Variants in SPATA16 observed in about 807,000 individuals in gnomAD.
SPATA16 encodes the protein spermatogenesis-associated protein 16.
SPATA16 carries 36 observed loss-of-function variants against 63.3 expected under a neutral mutation model. The ratio of observed to expected loss-of-function variants is 0.57; its 90% CI spans 0.44 to 0.75. The LOEUF is 0.75. SPATA16 is among the 30% of genes least tolerant of loss of function. The pLI is 0.00. For synonymous variants in SPATA16, 203 were observed against 216.7 expected (o/e 0.94, Z 0.56); for missense variants, 646 against 679.3 (o/e 0.95, Z 0.54).
At chr3:172,968,168 C>T (rs531716544) in intron 5 of SPATA16, among the ~76,000 whole-genome samples, 7 of 152,308 alleles carry the variant, frequency 4.6e-5, no homozygotes, top group Admixed American at 1.3e-4. Flanking sequence ...TAATTATCAA[C>T]GTGCAGAGAA....
At chr3:172,926,698 G>A (rs1732745688) in intron 6 of SPATA16, among the ~76,000 whole-genome samples, 1 of 152,168 alleles carries the variant, frequency 6.6e-6, no homozygotes, top group Admixed American at 6.5e-5. Flanking sequence ...GCTTGAAGAG[G>A]TTACAAACAT....
At chr3:172,916,700 A>G (rs919046902) in intron 8 of SPATA16, among the ~76,000 whole-genome samples, 1 of 152,160 alleles carries the variant, frequency 6.6e-6, no homozygotes, top group Non-Finnish European at 1.5e-5. Context: ...AGAACTGTTG[A>G]GACGGATTTG....
intron 5 of SPATA16, among the ~76,000 whole-genome samples, chr3:172,971,175 A>C (rs755497466): frequency 1.1e-4 from 16 of 152,180 alleles, no homozygotes; most frequent in Non-Finnish European, 2.1e-4. Context: ...AATGAGCCTA[A>C]AAGATCTATT....
intron 2 of SPATA16, among the ~76,000 whole-genome samples, chr3:173,101,026 G>C (rs1399726661): frequency 1.3e-5 from 2 of 152,072 alleles, no homozygotes; most frequent in Non-Finnish European, 2.9e-5. Context: ...CATGTACATA[G>C]GAAAAATGAT....
rs189706599 is a variant in SPATA16, at chr3:172,931,608, T to A, written c.1082-6116A>T. Among the ~76,000 whole-genome samples, 7 of 152,302 alleles carry A rather than the reference T, an allele frequency of 4.6e-5. No homozygotes were observed. The East Asian group carries it at 1.4e-3, about 29-fold the overall frequency. Reference sequence around the variant, plus strand: ...GCAGATGCTCAATCAACATTTGAATTTAATCTGAAAACATACATTCCCAAA... The same window carrying A: ...GCAGATGCTCAATCAACATTTGAATATAATCTGAAAACATACATTCCCAAA... On this transcript the variant is annotated intron_variant, in intron 6 of 10. Transcript: ENST00000351008.
chr3:172,964,126 C>G (rs1257617476), intron 5 of SPATA16, among the ~76,000 whole-genome samples: 1 of 152,196 alleles, frequency 6.6e-6, no homozygotes, highest in Non-Finnish European at 1.5e-5. Flanking sequence ...CTCACACCTA[C>G]TGGCCACAAG....
At chr3:172,936,901 G>A (rs975332557) in intron 6 of SPATA16, among the ~76,000 whole-genome samples, 1 of 151,996 alleles carries the variant, frequency 6.6e-6, no homozygotes, top group Non-Finnish European at 1.5e-5. Context: ...AGTAGAGATA[G>A]GGTTTCACCA....
intron 6 of SPATA16, among the ~76,000 whole-genome samples, chr3:172,946,857 G>A (rs1332702635): frequency 6.6e-6 from 1 of 152,200 alleles, no homozygotes; most frequent in African/African-American, 2.4e-5. Flanking sequence ...ATAGGTGGTA[G>A]CCAGGTAGTG....
chr3:173,123,287 T>G (rs1738133189), intron 1 of SPATA16, among the ~76,000 whole-genome samples: 1 of 152,302 alleles, frequency 6.6e-6, no homozygotes, highest in South Asian at 2.1e-4. Context: ...CATATTTTCA[T>G]AATAAAGAAA....
At chr3:173,018,633 T>A (rs1735250994) in intron 4 of SPATA16, among the ~76,000 whole-genome samples, 1 of 152,110 alleles carries the variant, frequency 6.6e-6, no homozygotes, top group Non-Finnish European at 1.5e-5. Flanking sequence ...ATAGTATTAT[T>A]TAAAAATGTT....
At chr3:173,069,992 G>C (rs6809849) in intron 2 of SPATA16, among the ~76,000 whole-genome samples, 28,219 of 151,342 alleles carry the variant, frequency 0.19, 2,995 homozygotes, top group African/African-American at 0.29. Flanking sequence ...GCACAGGCCT[G>C]AACTTGATAA....
intron 2 of SPATA16, among the ~76,000 whole-genome samples, chr3:173,094,786 G>C (rs1323215050): frequency 2.0e-5 from 3 of 151,420 alleles, no homozygotes; most frequent in African/African-American, 7.3e-5. Flanking sequence ...ATTGTGATGG[G>C]CAGGCCGTAG....
At chr3:173,076,290 T>C (rs1163983668) in intron 2 of SPATA16, among the ~76,000 whole-genome samples, 2 of 152,160 alleles carry the variant, frequency 1.3e-5, no homozygotes, top group Non-Finnish European at 2.9e-5. Context: ...GAAATTGACG[T>C]TTGTGAATGC....
intron 3 of SPATA16, among the ~76,000 whole-genome samples, chr3:173,025,803 T>C (rs1735437850): frequency 6.6e-6 from 1 of 152,054 alleles, no homozygotes. Context: ...TTCCTTTTAC[T>C]GCTTAACTAT....
At chr3:172,950,460 A>C (rs1499634) in intron 6 of SPATA16, among the ~76,000 whole-genome samples, 13,310 of 152,248 alleles carry the variant, frequency 0.087, 1,944 homozygotes, top group African/African-American at 0.3. Flanking sequence ...TTATAACCAA[A>C]CTGGCTTTAA....
At chr3:173,088,232 G>T (rs1190975313) in intron 2 of SPATA16, among the ~76,000 whole-genome samples, 1 of 151,114 alleles carries the variant, frequency 6.6e-6, no homozygotes, top group Non-Finnish European at 1.5e-5. Flanking sequence ...CTACAGGTGT[G>T]CACTACCATG....
chr3:173,117,250 A>C lies in SPATA16; in HGVS notation c.482T>G (p.Leu161Trp). 1 of 1,614,182 alleles carries C rather than the reference A, an allele frequency of 6.2e-7. No individual in the cohort carries two copies. The highest frequency in any genetic ancestry group is 1.1e-5 in the South Asian group (1 of 91,080). ...TCQAAEIVDP[L>W]SVHNFSFLPQ... The stretch of plus-strand genomic sequence containing the variant: ...CAGAAAGCTGAAATTATGTACACTC[A>C]AAGGGTCTACTATTTCAGCAGCTTG... Residue 161 changes from leucine (L) to tryptophan (W), a missense_variant, in exon 2 of 11, where the codon TTG (leucine) becomes TGG (tryptophan). Physicochemically the swap from Leu to Trp is moderately conservative, Grantham distance 61 (BLOSUM62 -2). Coordinates refer to ENST00000351008, the MANE Select transcript of SPATA16 (RefSeq NM_031955.6).
intron 2 of SPATA16, among the ~76,000 whole-genome samples, chr3:173,088,264 T>C (rs1560119097): frequency 6.6e-6 from 1 of 151,814 alleles, no homozygotes; most frequent in Non-Finnish European, 1.5e-5. Flanking sequence ...TTTGTATTTT[T>C]AGTAGAGACG....
rs187425681 is a variant in SPATA16, at chr3:172,924,092, T to C, written c.1338+116A>G. The C allele has an allele frequency of 2.4e-5, 20 of 831,034 alleles. No individual in the cohort carries two copies. In the Admixed American group the frequency reaches 3.3e-4, roughly 14 times the overall value. The allele number at this position is 831,034 out of a possible 1,614,324, so 51.5% of individuals were successfully genotyped here. A position where few individuals can be genotyped will look rare whatever the true frequency, so the allele number is the denominator to read the frequency against. ...GCTTGTTTTTGCAAATGAGATTTAC[T>C]ATGAACGTTTCCAAAATCCCCTAAC... is the stretch of plus-strand genomic sequence containing the variant. On this transcript the variant is annotated intron_variant, in intron 8 of 10. Coordinates refer to ENST00000351008, the MANE Select transcript of SPATA16 (RefSeq NM_031955.6).
Sources: allele counts gnomAD v4.1 joint callset (sites outside exome capture counted in the v4.1 genomes callset), GRCh38; gene constraint gnomAD v4.1.1; transcripts MANE v1.5; gene names NCBI Gene and HGNC (gene_info 2026-07-23, HGNC 2026-07-21).